Variants in PARD3 observed in about 807,000 individuals in gnomAD.
PARD3 encodes par-3 family cell polarity regulator.
In PARD3, 75 loss-of-function variants were observed where a neutral mutation model predicts 155.4. The ratio of observed to expected loss-of-function variants is 0.48; its 90% CI spans 0.40 to 0.58. PARD3 has a LOEUF of 0.58. PARD3 is among the 20% of genes least tolerant of loss of function. The probability of loss-of-function intolerance (pLI) is 0.00; values close to 1 mark genes in which losing one functional copy is unlikely to be tolerated. For synonymous variants in PARD3, 576 were observed against 610.5 expected (o/e 0.94, Z 0.83); for missense variants, 1,642 against 1,721.7 (o/e 0.95, Z 0.82).
At chr10:34,261,688 C>CAAAGAAAGAAAG (rs543172446) in intron 22 of PARD3, among the ~76,000 whole-genome samples, 16 of 42,332 alleles carry the variant, frequency 3.8e-4, no homozygotes, top group African/African-American at 1.1e-3. Flanking sequence ...GACTCTGTCT[C>CAAAGAAAGAAAG]AAAGAAAGAA....
intron 6 of PARD3, among the ~76,000 whole-genome samples, chr10:34,400,269 A>G (rs1331435102): frequency 6.6e-6 from 1 of 152,196 alleles, no homozygotes; most frequent in Non-Finnish European, 1.5e-5. Context: ...GAAGCTATTT[A>G]TATTATATGA....
chr10:34,303,725 C>T (rs1045108309), intron 20 of PARD3, among the ~76,000 whole-genome samples: 3 of 152,042 alleles, frequency 2.0e-5, no homozygotes, highest in East Asian at 1.9e-4. Context: ...CTTGAATAGC[C>T]TCCCAAGGAG....
intron 22 of PARD3, among the ~76,000 whole-genome samples, chr10:34,146,754 T>A (rs1948528423): frequency 6.6e-6 from 1 of 152,188 alleles, no homozygotes; most frequent in Non-Finnish European, 1.5e-5. Flanking sequence ...CTCAGGAGTA[T>A]CCCACTGATG....
intron 2 of PARD3, among the ~76,000 whole-genome samples, chr10:34,622,473 T>C (rs574086403): frequency 2.0e-5 from 3 of 152,312 alleles, no homozygotes; most frequent in Non-Finnish European, 2.9e-5. Context: ...GCCATTTCAA[T>C]TGTTAGAAAA....
intron 22 of PARD3, among the ~76,000 whole-genome samples, chr10:34,160,148 CA>C (rs1335996630): frequency 6.6e-6 from 1 of 152,194 alleles, no homozygotes; most frequent in Non-Finnish European, 1.5e-5. Flanking sequence ...ACAGAATAAT[CA>C]ATGCAGCAAT....
chr10:34,659,120 C>A (rs2093258388), intron 2 of PARD3, among the ~76,000 whole-genome samples: 1 of 152,174 alleles, frequency 6.6e-6, no homozygotes, highest in Non-Finnish European at 1.5e-5. Context: ...CTGAAAGGCA[C>A]ACCCAGCACA....
intron 2 of PARD3, among the ~76,000 whole-genome samples, chr10:34,642,338 C>T (rs755303173): frequency 3.9e-5 from 6 of 152,122 alleles, no homozygotes; most frequent in Non-Finnish European, 8.8e-5. Flanking sequence ...TTGCTTTCTA[C>T]ACCCTCTCAA....
At chr10:34,139,467 C>T (rs992689923) in intron 22 of PARD3, among the ~76,000 whole-genome samples, 12 of 152,136 alleles carry the variant, frequency 7.9e-5, no homozygotes, top group Non-Finnish European at 7.4e-5. Flanking sequence ...GCACTTTTTC[C>T]TTCCTTGCCC....
chr10:34,235,482 T>C (rs1228897425), intron 22 of PARD3, among the ~76,000 whole-genome samples: 1 of 152,264 alleles, frequency 6.6e-6, no homozygotes, highest in South Asian at 2.1e-4. Context: ...CTCATAGATA[T>C]TTTTGTGATG....
At chr10:34,688,863 T>C (rs769491878) in intron 2 of PARD3, among the ~76,000 whole-genome samples, 1 of 152,196 alleles carries the variant, frequency 6.6e-6, no homozygotes, top group Non-Finnish European at 1.5e-5. Context: ...AAAAAATAAG[T>C]TTTTAATAAT....
At chr10:34,254,390 CAAAAACAAAAACAA>C (rs918347486) in intron 22 of PARD3, among the ~76,000 whole-genome samples, 1 of 90,374 alleles carries the variant, frequency 1.1e-5, no homozygotes, top group Non-Finnish European at 2.1e-5. Context: ...AAAACAAAAA[CAAAAACAAAAACAA>C]AAACAAACAA....
chr10:34,472,244 A>C (rs1439973412), intron 3 of PARD3, among the ~76,000 whole-genome samples: 1 of 152,202 alleles, frequency 6.6e-6, no homozygotes, highest in African/African-American at 2.4e-5. Flanking sequence ...TGAGGATTTT[A>C]ATAATTTCTG....
intron 2 of PARD3, among the ~76,000 whole-genome samples, chr10:34,597,693 G>A (rs1400209464): frequency 6.7e-6 from 1 of 150,248 alleles, no homozygotes; most frequent in Non-Finnish European, 1.5e-5. Context: ...TGTGCATAGG[G>A]AAGATGAAGC....
intron 5 of PARD3, among the ~76,000 whole-genome samples, chr10:34,422,490 C>A (rs1214235824): frequency 1.3e-5 from 2 of 150,976 alleles, no homozygotes; most frequent in Admixed American, 6.6e-5. Context: ...AGTAAAAACA[C>A]AATGTATGGA....
At chr10:34,796,573 A>G (rs777100353) in intron 1 of PARD3, among the ~76,000 whole-genome samples, 2 of 152,260 alleles carry the variant, frequency 1.3e-5, no homozygotes, top group African/African-American at 2.4e-5. Flanking sequence ...AGTAATTTCT[A>G]TCAGGTCTAT....
chr10:34,753,505 C>A (rs145717070), intron 1 of PARD3, among the ~76,000 whole-genome samples: 59 of 152,374 alleles, frequency 3.9e-4, no homozygotes, highest in African/African-American at 1.3e-3. Context: ...GACCTTGCCA[C>A]ATGGACAACA....
At chr10:34,800,531 A>T in intron 1 of PARD3, among the ~76,000 whole-genome samples, 1 of 151,876 alleles carries the variant, frequency 6.6e-6, no homozygotes. Context: ...GAATTGCTTG[A>T]ACCCGGGAGG....
chr10:34,551,845 C>T (rs915827160), intron 2 of PARD3, among the ~76,000 whole-genome samples: 2 of 152,156 alleles, frequency 1.3e-5, no homozygotes, highest in Admixed American at 1.3e-4. Context: ...TGTGACCTCA[C>T]AGGAGAAGCC....
intron 1 of PARD3, among the ~76,000 whole-genome samples, chr10:34,798,970 C>T (rs1409954908): frequency 1.3e-5 from 2 of 152,178 alleles, no homozygotes; most frequent in Admixed American, 6.5e-5. Flanking sequence ...AATCTCCAAA[C>T]GTGACCCAGA....
Sources: gnomAD v4.1 joint callset for allele counts (sites outside exome capture counted in the v4.1 genomes callset) on GRCh38, gnomAD v4.1.1 for gene constraint, MANE v1.5 for transcripts, NCBI Gene and HGNC (gene_info 2026-07-23, HGNC 2026-07-21) for gene names.